The following ZC3H12B variants were observed in gnomAD, a reference collection of about 807,000 sequenced individuals.
ZC3H12B encodes probable ribonuclease ZC3H12B.
In ZC3H12B, 7 loss-of-function variants were observed where a neutral mutation model predicts 43.9. That is an observed-to-expected ratio of 0.16 (90% CI 0.09 to 0.30). The LOEUF (loss-of-function observed/expected upper bound fraction) is 0.30, where lower values mean the gene tolerates loss of function less well. Ranked by LOEUF, ZC3H12B falls within the 10% of genes least tolerant of loss-of-function variation. The pLI, the probability that ZC3H12B is intolerant of heterozygous loss-of-function variation, is 1.00. For missense variants in ZC3H12B, 475 were observed against 670.2 expected (o/e 0.71, Z 3.22); for synonymous variants, 222 against 241.7 (o/e 0.92, Z 0.76).
the ZC3H12B span, among the ~76,000 whole-genome samples, chrX:65,068,233 A>G: frequency 9.3e-6 from 1 of 107,782 alleles, no homozygotes; most frequent in Non-Finnish European, 1.9e-5. Context: ...TTTACATTCA[A>G]TGTTATTACT....
chrX:65,206,466 A>G, the ZC3H12B span, among the ~76,000 whole-genome samples: 345 of 112,079 alleles, frequency 3.1e-3, no homozygotes, highest in Middle Eastern at 9.2e-3. Flanking sequence ...CACATGTAGA[A>G]GAATGAAACG....
intron 2 of ZC3H12B, among the ~76,000 whole-genome samples, chrX:65,378,800 G>T (rs2066388147): frequency 8.9e-6 from 1 of 112,831 alleles, no homozygotes; most frequent in Non-Finnish European, 1.9e-5. Flanking sequence ...CTCGGGAAGT[G>T]CAAGGGGTCA....
At chrX:65,087,578 G>T in the ZC3H12B span, among the ~76,000 whole-genome samples, 5 of 111,615 alleles carry the variant, frequency 4.5e-5, no homozygotes, top group South Asian at 1.5e-3. Flanking sequence ...CACAATCAGA[G>T]AATTTTAGGA....
chrX:65,227,457 A>G, the ZC3H12B span, among the ~76,000 whole-genome samples: 1 of 110,993 alleles, frequency 9.0e-6, no homozygotes, highest in South Asian at 3.8e-4. Flanking sequence ...ACACCCTAAC[A>G]TCACAATTAA....
At chrX:65,387,240 G>A (rs944848416) in intron 2 of ZC3H12B, among the ~76,000 whole-genome samples, 1 of 111,282 alleles carries the variant, frequency 9.0e-6, no homozygotes, top group Non-Finnish European at 1.9e-5. Context: ...TTGACAGTGG[G>A]GTGTTAAAGT....
At chrX:65,157,025 G>A in the ZC3H12B span, among the ~76,000 whole-genome samples, 305 of 110,241 alleles carry the variant, frequency 2.8e-3, 3 homozygotes, top group African/African-American at 9.6e-3. Flanking sequence ...CTTTTGCCCA[G>A]GCTGGAGTGC....
At chrX:65,121,770 T>C in the ZC3H12B span, among the ~76,000 whole-genome samples, 1 of 111,760 alleles carries the variant, frequency 8.9e-6, no homozygotes, top group Non-Finnish European at 1.9e-5. Flanking sequence ...CTTTTCTGCT[T>C]TCTTTTGTGG....
the ZC3H12B span, among the ~76,000 whole-genome samples, chrX:65,133,877 G>T: frequency 9.0e-6 from 1 of 110,850 alleles, no homozygotes; most frequent in Non-Finnish European, 1.9e-5. Context: ...AGGGACCAAT[G>T]TGTAAAAGAA....
chrX:65,452,312 CT>C (rs775322953), intron 3 of ZC3H12B, among the ~76,000 whole-genome samples: 18 of 111,457 alleles, frequency 1.6e-4, no homozygotes, highest in Admixed American at 6.7e-4. Context: ...GCTGCTAGAA[CT>C]GATAAATGAA....
the ZC3H12B span, among the ~76,000 whole-genome samples, chrX:65,190,263 A>G: frequency 2.7e-5 from 3 of 110,329 alleles, no homozygotes; most frequent in African/African-American, 1.0e-4. Flanking sequence ...TTGGCTTAGG[A>G]TTGACTTGGC....
the ZC3H12B span, among the ~76,000 whole-genome samples, chrX:65,245,320 G>A: frequency 8.9e-6 from 1 of 111,817 alleles, no homozygotes; most frequent in African/African-American, 3.3e-5. Context: ...AAGGAGGAGG[G>A]ATTCCTCCCT....
the ZC3H12B span, among the ~76,000 whole-genome samples, chrX:65,250,936 G>A: frequency 9.0e-6 from 1 of 111,637 alleles, no homozygotes. Flanking sequence ...AAGCTCTTTA[G>A]TTTAATTAGA....
At chrX:65,341,796 C>CAA in the ZC3H12B span, among the ~76,000 whole-genome samples, 1 of 97,812 alleles carries the variant, frequency 1.0e-5, no homozygotes, top group African/African-American at 3.7e-5. Context: ...AAAGCAACCA[C>CAA]AAAAAAAAAA....
exon 1 of ZC3H12B, chrX:65,366,705 G>T (rs1194535110): frequency 1.8e-5 from 2 of 111,949 alleles, no homozygotes; most frequent in Non-Finnish European, 3.8e-5. Context: ...TTTCCCAGGT[G>T]ATACTTGAAA....
the ZC3H12B span, among the ~76,000 whole-genome samples, chrX:65,083,954 A>T: frequency 8.1e-5 from 9 of 111,693 alleles, no homozygotes; most frequent in African/African-American, 2.6e-4. Context: ...AATTAAATCC[A>T]CAATCTTACA....
the ZC3H12B span, among the ~76,000 whole-genome samples, chrX:65,267,866 G>A: frequency 9.0e-6 from 1 of 111,495 alleles, no homozygotes; most frequent in Admixed American, 9.6e-5. Flanking sequence ...CAAGGAGATA[G>A]GAAAAGAAGA....
At chrX:65,095,866 G>A in the ZC3H12B span, among the ~76,000 whole-genome samples, 2 of 110,730 alleles carry the variant, frequency 1.8e-5, no homozygotes, top group Middle Eastern at 4.6e-3. Flanking sequence ...AAAAGACTGA[G>A]CTCTAAATCA....
chrX:65,290,413 A>G, the ZC3H12B span, among the ~76,000 whole-genome samples: 1 of 111,330 alleles, frequency 9.0e-6, no homozygotes, highest in Non-Finnish European at 1.9e-5. Context: ...TACAAACACT[A>G]TGGAAAACAA....
the ZC3H12B span, among the ~76,000 whole-genome samples, chrX:65,336,496 C>T: frequency 1.1e-4 from 12 of 112,740 alleles, no homozygotes; most frequent in African/African-American, 2.3e-4. Flanking sequence ...ATATTAGCCA[C>T]TCTGCTTAGC....
Sources: allele counts gnomAD v4.1 joint callset (sites outside exome capture counted in the v4.1 genomes callset), GRCh38; gene constraint gnomAD v4.1.1; transcripts MANE v1.5; gene names NCBI Gene and HGNC (gene_info 2026-07-23, HGNC 2026-07-21).